SLIT3: variants seen among roughly 807,000 people sequenced by gnomAD.
SLIT3 encodes slit homolog 3 protein.
Under a neutral mutation model 184.0 loss-of-function variants are expected in SLIT3, and 68 were observed. That is an observed-to-expected ratio of 0.37 (90% confidence interval 0.30 to 0.45). The LOEUF (loss-of-function observed/expected upper bound fraction) is 0.45. Among genes scored for constraint, SLIT3 ranks in the 20% least tolerant of loss-of-function variants. The pLI, the probability that SLIT3 is intolerant of heterozygous loss-of-function variation, is 1.00. For synonymous variants in SLIT3, 831 were observed against 828.6 expected, an observed-to-expected ratio of 1.00 and a Z score of -0.05; for missense variants, 1,707 against 2,026.0, an observed-to-expected ratio of 0.84 and a Z score of 3.02.
At chr5:169,244,628 C>A (rs1205459902) in intron 3 of SLIT3, 77 bp downstream of exon 3, 2 of 1,387,462 alleles carry the variant, frequency 1.4e-6, no homozygotes, top group African/African-American at 2.9e-5. Flanking sequence ...GGCCAATTTA[C>A]AAAAACAAAA....
rs548470541 is a variant in SLIT3, at chr5:169,286,126, T to C, written c.197+14387A>G. Among the ~76,000 whole-genome samples the C allele has an allele frequency of 4.6e-5, 7 of 152,304 alleles. No homozygotes were observed. In the South Asian group the frequency reaches 1.5e-3, roughly 32 times the overall value. On this transcript the variant is annotated intron_variant, in intron 1 of 35. Coordinates refer to ENST00000519560, the MANE Select transcript of SLIT3 (RefSeq NM_003062.4). The stretch of plus-strand genomic sequence containing the variant: ...GTAAGCCAGGGAAGCAGGTTACTAT[T>C]AAAGACCATGCCTAAGATTACTTAG...
At chr5:169,013,330 C>A (rs1476989010) in intron 4 of SLIT3, 1 of 152,266 alleles carries the variant, frequency 6.6e-6, no homozygotes, top group African/African-American at 2.4e-5. Flanking sequence ...ATTTCGCAAG[C>A]CTGGCCAACT....
intron 20 of SLIT3, among the ~76,000 whole-genome samples, chr5:168,727,613 G>C (rs1240891139): frequency 2.6e-5 from 4 of 152,198 alleles, no homozygotes; most frequent in Admixed American, 1.3e-4. Context: ...CTGCAGACAA[G>C]GGCAGAGGCT....
chr5:168,964,260 G>A (rs1763109148), intron 4 of SLIT3, among the ~76,000 whole-genome samples: 1 of 152,208 alleles, frequency 6.6e-6, no homozygotes, highest in Non-Finnish European at 1.5e-5. Flanking sequence ...GATTTAACTG[G>A]ACATAGTGAT....
At chr5:169,117,632 A>G (rs1208773251) in intron 4 of SLIT3, among the ~76,000 whole-genome samples, 1 of 152,212 alleles carries the variant, frequency 6.6e-6, no homozygotes, top group Non-Finnish European at 1.5e-5. Context: ...CTAGGGACTA[A>G]GAGAAGGTGT....
chr5:168,955,140 C>T (rs932854754), intron 4 of SLIT3, among the ~76,000 whole-genome samples: 22 of 152,004 alleles, frequency 1.4e-4, no homozygotes, highest in African/African-American at 4.8e-4. Context: ...CGGGTGTTGC[C>T]TATTTAATTT....
At chr5:168,907,923 TTTTATATATATATTATAC>T (rs1761112744) in intron 4 of SLIT3, among the ~76,000 whole-genome samples, 1 of 93,246 alleles carries the variant, frequency 1.1e-5, no homozygotes, top group Admixed American at 1.2e-4. Flanking sequence ...TCTATATCTA[TTTTATATATATATTATAC>T]GTGTATATAT....
In SLIT3 at chr5:168,850,095, C is replaced by T. The variant is rs554145414; in HGVS notation, c.486-5440G>A. On this transcript the variant is annotated intron_variant, in intron 5 of 35. Coordinates refer to ENST00000519560, the MANE Select transcript of SLIT3 (RefSeq NM_003062.4). Reference sequence around the variant, plus strand: ...AAAATAAAGCTCAAGGTTATTTTAACTGACAAAAGGAAAAAAATTATCTTC... The same window carrying T: ...AAAATAAAGCTCAAGGTTATTTTAATTGACAAAAGGAAAAAAATTATCTTC... 3.9e-3 allele frequency among the ~76,000 whole-genome samples: 596 copies of T among 152,176 alleles called. 5 individuals carry two copies. Among genetic ancestry groups the T allele is most frequent in the African/African-American group, 0.013 (554 of 41,518 alleles).
intron 4 of SLIT3, among the ~76,000 whole-genome samples, chr5:168,979,415 T>C (rs927779587): frequency 1.3e-5 from 2 of 152,168 alleles, no homozygotes; most frequent in Non-Finnish European, 2.9e-5. Context: ...ACTGTGAACA[T>C]GGCATGCAAC....
In SLIT3 at chr5:169,300,683, G is replaced by A; in HGVS notation, c.27C>T (p.Gly9=). MAPGWAGV[G]AAVRARLALA... ...GCGCCAGGCGGGCGCGCACGGCGGCGCCGACCCCTGCCCACCCGGGGGCCA... is the reference window on the plus strand; with the variant it reads ...GCGCCAGGCGGGCGCGCACGGCGGCACCGACCCCTGCCCACCCGGGGGCCA... The change falls in exon 1 of 36, where the codon GGC becomes GGT. Residue 9 remains glycine (G), a synonymous_variant. Transcript: ENST00000519560. This position sits in a 1 kb window ranked among gnomAD's most constrained non-coding sequence, Gnocchi z 4.1. 1 of 1,383,348 alleles carries A rather than the reference G, an allele frequency of 7.2e-7. No homozygotes were observed. The highest frequency in any genetic ancestry group is 9.3e-7 in the Non-Finnish European group (1 of 1,077,288). 85.7% of individuals were successfully genotyped at this position (1,383,348 alleles called of 1,614,324 possible).
chr5:168,952,216 C>T (rs550021542), intron 4 of SLIT3, among the ~76,000 whole-genome samples: 20 of 152,170 alleles, frequency 1.3e-4, no homozygotes, highest in Non-Finnish European at 2.9e-4. Flanking sequence ...TGGGAGAAGA[C>T]GGATCACCTT....
chr5:169,201,524 T>C (rs1763903180), intron 3 of SLIT3, among the ~76,000 whole-genome samples: 1 of 152,208 alleles, frequency 6.6e-6, no homozygotes, highest in Admixed American at 6.5e-5. Context: ...ATCAGTATAA[T>C]TGTCCCTAGA....
chr5:168,871,215 T>C (rs1035584499), intron 5 of SLIT3, among the ~76,000 whole-genome samples: 2 of 152,238 alleles, frequency 1.3e-5, no homozygotes, highest in African/African-American at 2.4e-5. Context: ...TTTTTTCTTA[T>C]GAAGACCCTT....
chr5:168,974,610 T>C (rs1754687540), intron 4 of SLIT3, among the ~76,000 whole-genome samples: 1 of 152,194 alleles, frequency 6.6e-6, no homozygotes, highest in African/African-American at 2.4e-5. Flanking sequence ...GTAGAACTTT[T>C]CCTCTTAGAA....
chr5:168,776,434 G>A (rs1245506657), intron 12 of SLIT3, among the ~76,000 whole-genome samples: 38 of 152,146 alleles, frequency 2.5e-4, no homozygotes, highest in Admixed American at 2.3e-3. Context: ...CTTTCCCAAC[G>A]TCCCATTATT....
chr5:168,793,223 T>C (rs1487436695), intron 10 of SLIT3, among the ~76,000 whole-genome samples: 1 of 152,182 alleles, frequency 6.6e-6, no homozygotes, highest in Non-Finnish European at 1.5e-5. Context: ...GAGAATTCTT[T>C]TTTTTCTCTC....
chr5:168,922,167 A>C (rs1179003518), intron 4 of SLIT3, among the ~76,000 whole-genome samples: 1 of 152,128 alleles, frequency 6.6e-6, no homozygotes, highest in African/African-American at 2.4e-5. Context: ...TATAGAACAC[A>C]AGAAGTGAGG....
At chr5:169,165,590 A>T (rs1762612543) in intron 4 of SLIT3, among the ~76,000 whole-genome samples, 1 of 152,182 alleles carries the variant, frequency 6.6e-6, no homozygotes, top group South Asian at 2.1e-4. Context: ...CGTTCATTCA[A>T]TATTTCCCCA....
intron 4 of SLIT3, among the ~76,000 whole-genome samples, chr5:168,907,484 A>G (rs911596313): frequency 4.6e-5 from 7 of 152,194 alleles, no homozygotes; most frequent in Middle Eastern, 3.2e-3. Flanking sequence ...GTAGTGTGTG[A>G]CCATGTTAAG....
Sources: gnomAD v4.1 joint callset for allele counts (sites outside exome capture counted in the v4.1 genomes callset) on GRCh38, gnomAD v4.1.1 for gene constraint, Gnocchi (gnomAD v3.1) non-coding constraint, MANE v1.5 for transcripts, NCBI Gene and HGNC (gene_info 2026-07-23, HGNC 2026-07-21) for gene names.